The following TC2N variants were observed in gnomAD, a reference collection of about 807,000 sequenced individuals.
TC2N encodes tandem C2 domains nuclear protein.
A neutral mutation model predicts 61.9 loss-of-function variants in TC2N; 51 were observed. The ratio of observed to expected loss-of-function variants is 0.82; its 90% confidence interval spans 0.66 to 1.04. The LOEUF is 1.04. Among genes scored for constraint, TC2N ranks in the 50% least tolerant of loss-of-function variants. The pLI is 0.00. For missense variants in TC2N, 556 were observed against 566.7 expected (o/e 0.98, Z 0.19); for synonymous variants, 204 against 192.6 (o/e 1.06, Z -0.49).
intron 3 of TC2N, among the ~76,000 whole-genome samples, chr14:91,804,762 G>C (rs1034150921): frequency 2.0e-5 from 3 of 152,116 alleles, no homozygotes; most frequent in Non-Finnish European, 4.4e-5. Context: ...AAAGGCAAGA[G>C]AGTCATGATT....
At position 91,802,235 on chromosome 14, in the gene TC2N, G is replaced by A. The variant is rs775005509; in HGVS notation, c.469+19C>T. On this transcript the variant is annotated intron_variant, in intron 4 of 11. Transcript: ENST00000435962. ...TTAAAGAGAAACACAGAGAGGAAAA[G>A]CACAAAAGATCTTCATACCCGATCC... 2 of 1,503,992 alleles carry A rather than the reference G, an allele frequency of 1.3e-6. No individual in the cohort carries two copies. The highest frequency in any genetic ancestry group is 1.8e-6 in the Non-Finnish European group (2 of 1,130,210). The allele number at this position is 1,503,992 out of a possible 1,614,324, so 93.2% of individuals were successfully genotyped here. A position where few individuals can be genotyped will look rare whatever the true frequency, so the allele number is the denominator to read the frequency against.
chr14:91,827,291 C>T (rs1887545165), intron 1 of TC2N, among the ~76,000 whole-genome samples: 1 of 152,174 alleles, frequency 6.6e-6, no homozygotes. Flanking sequence ...TACTATCTTA[C>T]AGTTCTGGAA....
chr14:91,852,281 C>T (rs1339895810), intron 1 of TC2N, among the ~76,000 whole-genome samples: 1 of 152,046 alleles, frequency 6.6e-6, no homozygotes, highest in Non-Finnish European at 1.5e-5. Context: ...ATACAAAAAC[C>T]TTAGCCGGGT....
intron 8 of TC2N, among the ~76,000 whole-genome samples, chr14:91,794,977 G>T (rs1319363293): frequency 6.6e-6 from 1 of 152,116 alleles, no homozygotes; most frequent in Non-Finnish European, 1.5e-5. Context: ...TCAAAAAAAG[G>T]ACATTAGCAG....
At chr14:91,854,814 T>A (rs2139921566) in intron 1 of TC2N, among the ~76,000 whole-genome samples, 1 of 152,274 alleles carries the variant, frequency 6.6e-6, no homozygotes, top group Non-Finnish European at 1.5e-5. Context: ...GAGCAAAGCC[T>A]GGCTCAGCCC....
At chr14:91,854,061 G>T (rs2498812) in intron 1 of TC2N, among the ~76,000 whole-genome samples, 1 of 151,830 alleles carries the variant, frequency 6.6e-6, no homozygotes, top group East Asian at 1.9e-4. Context: ...AAAACACAGC[G>T]TGGTTTTGAA....
At chr14:91,788,961 TA>T (rs11290971) in intron 9 of TC2N, among the ~76,000 whole-genome samples, 130,662 of 151,222 alleles carry the variant, frequency 0.86, 58,478 homozygotes, top group Non-Finnish European at 0.97. Context: ...TTGGTAGCCA[TA>T]AAAAAAAAAC....
intron 1 of TC2N, among the ~76,000 whole-genome samples, chr14:91,826,987 T>C (rs1231741701): frequency 6.6e-6 from 1 of 152,202 alleles, no homozygotes; most frequent in Non-Finnish European, 1.5e-5. Context: ...CTCTTATAAA[T>C]AGCATTTAGT....
chr14:91,812,261 G>T, intron 3 of TC2N, 51 bp downstream of exon 3: 1 of 907,592 alleles, frequency 1.1e-6, no homozygotes, highest in Non-Finnish European at 1.6e-6. Flanking sequence ...TAAAATAATA[G>T]CACTTAAATG....
chr14:91,802,546 A>G, intron 3 of TC2N, 125 bp from the exon 4 acceptor site: 2 of 786,550 alleles, frequency 2.5e-6, no homozygotes, highest in Non-Finnish European at 4.0e-6. Flanking sequence ...CATGTCTTTG[A>G]TAGCTAAAAA....
At chr14:91,848,171 C>A (rs935519684) in intron 1 of TC2N, among the ~76,000 whole-genome samples, 1 of 152,218 alleles carries the variant, frequency 6.6e-6, no homozygotes, top group African/African-American at 2.4e-5. Context: ...AGGCCTATCC[C>A]TTAAATTGAG....
chr14:91,855,276 C>G, intron 1 of TC2N, among the ~76,000 whole-genome samples: 1 of 152,202 alleles, frequency 6.6e-6, no homozygotes, highest in East Asian at 1.9e-4. Flanking sequence ...GTACAATGTA[C>G]CACAAACCGA....
intron 1 of TC2N, among the ~76,000 whole-genome samples, chr14:91,855,261 C>T (rs1167695760): frequency 6.6e-6 from 1 of 152,200 alleles, no homozygotes; most frequent in Admixed American, 6.5e-5. Flanking sequence ...ATTTCTAGGG[C>T]TGCTGTACAA....
chr14:91,833,972 C>T (rs1438607817), intron 1 of TC2N, among the ~76,000 whole-genome samples: 1 of 152,088 alleles, frequency 6.6e-6, no homozygotes, highest in Non-Finnish European at 1.5e-5. Context: ...ACTCATTATA[C>T]AGAAATTTTA....
chr14:91,802,583 T>C (rs1395494926), intron 3 of TC2N, among the ~76,000 whole-genome samples, 162 bp from the exon 4 acceptor site: 2 of 152,154 alleles, frequency 1.3e-5, no homozygotes, highest in African/African-American at 2.4e-5. Flanking sequence ...GGGAGTTCTG[T>C]GTGAAGTATT....
At chr14:91,851,262 C>A (rs1217303259) in intron 1 of TC2N, among the ~76,000 whole-genome samples, 2 of 152,128 alleles carry the variant, frequency 1.3e-5, no homozygotes, top group Non-Finnish European at 2.9e-5. Context: ...TAATGAAGAC[C>A]ACTTTACAAT....
At chr14:91,835,549 A>ATC (rs1341988258) in intron 1 of TC2N, among the ~76,000 whole-genome samples, 4 of 152,190 alleles carry the variant, frequency 2.6e-5, no homozygotes, top group African/African-American at 9.6e-5. Context: ...TTGGCTTGGC[A>ATC]TCTATCTTGT....
At chr14:91,833,985 C>G (rs905334057) in intron 1 of TC2N, among the ~76,000 whole-genome samples, 1 of 152,128 alleles carries the variant, frequency 6.6e-6, no homozygotes, top group Non-Finnish European at 1.5e-5. Flanking sequence ...AAATTTTAAT[C>G]TAAGAGCTTT....
chr14:91,806,408 C>A (rs1886509773), intron 3 of TC2N, among the ~76,000 whole-genome samples: 1 of 152,094 alleles, frequency 6.6e-6, no homozygotes, highest in Admixed American at 6.6e-5. Flanking sequence ...TTAGGAACTG[C>A]CTAGAGACTT....
Sources: gnomAD v4.1 joint callset for allele counts (sites outside exome capture counted in the v4.1 genomes callset) on GRCh38, gnomAD v4.1.1 for gene constraint, MANE v1.5 for transcripts, NCBI Gene and HGNC (gene_info 2026-07-23, HGNC 2026-07-21) for gene names.